GPR158: variants seen among roughly 807,000 people sequenced by gnomAD.
GPR158 encodes G protein-coupled receptor 158.
Under a neutral mutation model 78.2 loss-of-function variants are expected in GPR158, and 30 were observed. The ratio of observed to expected loss-of-function variants is 0.38; its 90% CI spans 0.29 to 0.52. GPR158 has a LOEUF of 0.52. GPR158 is among the 20% of genes least tolerant of loss of function. GPR158 has a pLI of 0.83. For synonymous variants in GPR158, 581 were observed against 591.1 expected, an observed-to-expected ratio of 0.98 and a Z score of 0.25; for missense variants, 1,463 against 1,523.5, an observed-to-expected ratio of 0.96 and a Z score of 0.66.
chr10:25,268,289 C>T (rs1260956297), intron 2 of GPR158, among the ~76,000 whole-genome samples: 1 of 152,094 alleles, frequency 6.6e-6, no homozygotes, highest in Non-Finnish European at 1.5e-5. Context: ...AGGTGCTTTG[C>T]TATTTCTTGA....
intron 5 of GPR158, among the ~76,000 whole-genome samples, chr10:25,517,347 A>G (rs1836192433): frequency 6.6e-6 from 1 of 151,950 alleles, no homozygotes; most frequent in Admixed American, 6.5e-5. Flanking sequence ...TCTTTTCCTA[A>G]CTGAATACCC....
chr10:25,287,469 G>A (rs1052226205), intron 2 of GPR158, among the ~76,000 whole-genome samples: 18 of 152,070 alleles, frequency 1.2e-4, no homozygotes, highest in African/African-American at 3.6e-4. Flanking sequence ...ATCTTTTTCT[G>A]TTTGTTTGTA....
chr10:25,575,053 C>T (rs1165775007), intron 7 of GPR158, among the ~76,000 whole-genome samples: 5 of 133,100 alleles, frequency 3.8e-5, no homozygotes, highest in Admixed American at 7.9e-5. Context: ...GGCAACAGAG[C>T]GAGACTCCAT....
At chr10:25,272,373 T>C (rs1372755985) in intron 2 of GPR158, among the ~76,000 whole-genome samples, 1 of 152,210 alleles carries the variant, frequency 6.6e-6, no homozygotes, top group Non-Finnish European at 1.5e-5. Flanking sequence ...ATAGAAATAG[T>C]ATAATGTGCT....
chr10:25,422,853 C>G (rs113467655), intron 4 of GPR158, among the ~76,000 whole-genome samples: 1 of 144,782 alleles, frequency 6.9e-6, no homozygotes, highest in African/African-American at 2.6e-5. Context: ...TTCCCTTACC[C>G]CCCCCACACT....
At chr10:25,510,244 T>C (rs941895731) in intron 5 of GPR158, among the ~76,000 whole-genome samples, 6 of 152,288 alleles carry the variant, frequency 3.9e-5, no homozygotes, top group Middle Eastern at 3.4e-3. Context: ...AAGAATAATT[T>C]TGTTCAGATA....
chr10:25,246,482 C>T (rs1374925914), intron 2 of GPR158, among the ~76,000 whole-genome samples: 1 of 152,134 alleles, frequency 6.6e-6, no homozygotes, highest in Non-Finnish European at 1.5e-5. Context: ...GGAGGCACCA[C>T]TAAATGAGAA....
intron 5 of GPR158, among the ~76,000 whole-genome samples, chr10:25,472,219 A>G (rs1316373353): frequency 6.6e-6 from 1 of 152,044 alleles, no homozygotes; most frequent in African/African-American, 2.4e-5. Context: ...TTAAATAGGG[A>G]ATCCTTTCCC....
intron 2 of GPR158, among the ~76,000 whole-genome samples, chr10:25,255,572 A>G (rs1057378623): frequency 1.3e-5 from 2 of 152,158 alleles, no homozygotes; most frequent in Non-Finnish European, 2.9e-5. Context: ...TTGTGGTTAT[A>G]GGATGGAGAT....
chr10:25,410,750 C>G (rs1834572466), intron 3 of GPR158, among the ~76,000 whole-genome samples: 2 of 152,218 alleles, frequency 1.3e-5, no homozygotes, highest in South Asian at 4.1e-4. Flanking sequence ...GGAACCATGT[C>G]TGCTTGACAA....
intron 2 of GPR158, among the ~76,000 whole-genome samples, chr10:25,311,534 T>G (rs1290064026): frequency 6.6e-6 from 1 of 152,058 alleles, no homozygotes; most frequent in Non-Finnish European, 1.5e-5. Flanking sequence ...GATAGTTTAC[T>G]GACTTCATTA....
In GPR158 at chr10:25,589,144, A is replaced by G; in HGVS notation, c.1891A>G (p.Arg631Gly). ...CATCTCTGCTATATTCCATACAATT[A>G]GGCAAGTGATCTGTAGAGCTAGTAA... ...LIISAIFHTIRFVLASRLQSD... is the reference protein window; with the variant it reads ...LIISAIFHTIGFVLASRLQSD... Residue 631 changes from arginine (R) to glycine (G), a missense_variant and splice_region_variant, in exon 8 of 11, where the codon AGA (arginine) becomes GGA (glycine). Arg to Gly is a moderately radical substitution (Grantham distance 125). Coordinates refer to ENST00000376351, the MANE Select transcript of GPR158 (RefSeq NM_020752.3). The G allele has an allele frequency of 6.3e-7, 1 of 1,597,706 alleles. No individual in the cohort carries two copies. The highest frequency in any genetic ancestry group is 8.6e-7 in the Non-Finnish European group (1 of 1,168,812).
At chr10:25,574,581 A>T (rs1837061557) in intron 7 of GPR158, among the ~76,000 whole-genome samples, 1 of 152,204 alleles carries the variant, frequency 6.6e-6, no homozygotes, top group Admixed American at 6.5e-5. Context: ...TGTAAAGAAC[A>T]TTCATTTTAT....
At chr10:25,257,485 A>G (rs1853905242) in intron 2 of GPR158, among the ~76,000 whole-genome samples, 1 of 152,206 alleles carries the variant, frequency 6.6e-6, no homozygotes, top group Non-Finnish European at 1.5e-5. Flanking sequence ...GGCTATTTAG[A>G]GAAGGAAAGT....
At position 25,263,372 on chromosome 10, in the gene GPR158, A is replaced by T. The variant is rs187908743; in HGVS notation, c.1008+42215A>T. ...GTGGGCTGTCTATTCCATGACATTT[A>T]TATATGTCTGTTCTTTTCCTAATAC... On this transcript the variant is annotated intron_variant, in intron 2 of 10. Transcript: ENST00000376351. Among the ~76,000 whole-genome samples the T allele has an allele frequency of 2.9e-3, 444 of 152,202 alleles. 1 individual carries two copies. The highest frequency in any genetic ancestry group is 6.8e-3 in the Middle Eastern group (2 of 294).
At chr10:25,229,472 T>C (rs1230261680) in intron 2 of GPR158, among the ~76,000 whole-genome samples, 1 of 152,206 alleles carries the variant, frequency 6.6e-6, no homozygotes, top group Non-Finnish European at 1.5e-5. Flanking sequence ...TGCAACTACT[T>C]GGTAGTGCTT....
chr10:25,427,332 C>T (rs1011721438), intron 4 of GPR158, among the ~76,000 whole-genome samples: 1 of 152,082 alleles, frequency 6.6e-6, no homozygotes, highest in African/African-American at 2.4e-5. Context: ...CCCTCTTTTA[C>T]TCCTACCTCT....
At chr10:25,391,438 G>A (rs1011295023) in intron 2 of GPR158, among the ~76,000 whole-genome samples, 1 of 152,178 alleles carries the variant, frequency 6.6e-6, no homozygotes, top group Non-Finnish European at 1.5e-5. Flanking sequence ...AAGACCATGG[G>A]AACCCCTTCT....
At chr10:25,193,738 T>C (rs997897299) in intron 1 of GPR158, among the ~76,000 whole-genome samples, 12 of 152,322 alleles carry the variant, frequency 7.9e-5, no homozygotes, top group South Asian at 4.1e-4. Flanking sequence ...CTTTCAGTCT[T>C]GGCCTTCCTG....
Sources: gnomAD v4.1 joint callset for allele counts (sites outside exome capture counted in the v4.1 genomes callset) on GRCh38, gnomAD v4.1.1 for gene constraint, MANE v1.5 for transcripts, NCBI Gene and HGNC (gene_info 2026-07-23, HGNC 2026-07-21) for gene names.